The following HSPG2 variants were observed in gnomAD, a reference collection of about 807,000 sequenced individuals.
HSPG2 encodes the protein heparan sulfate proteoglycan 2.
Under a neutral mutation model 526.6 loss-of-function variants are expected in HSPG2, and 278 were observed. That is an observed-to-expected ratio of 0.53 (90% CI 0.48 to 0.58). The LOEUF (loss-of-function observed/expected upper bound fraction) is 0.58. HSPG2 is among the 20% of genes least tolerant of loss of function. The pLI is 0.00. For synonymous variants in HSPG2, 2,465 were observed against 2,555.4 expected, an observed-to-expected ratio of 0.96 and a Z score of 1.07; for missense variants, 5,354 against 6,099.5, an observed-to-expected ratio of 0.88 and a Z score of 4.07.
In HSPG2 at chr1:21,831,645, G is replaced by A; in HGVS notation, c.11352+7C>T. The A allele has an allele frequency of 1.9e-6, 3 of 1,609,524 alleles. No individual in the cohort carries two copies. The highest frequency in any genetic ancestry group is 2.5e-6 in the Non-Finnish European group (3 of 1,178,010). On this transcript the variant is annotated splice_region_variant and intron_variant, in intron 82 of 96. Coordinates refer to ENST00000374695, the MANE Select transcript of HSPG2 (RefSeq NM_005529.7). ...GCTGGAAGTAGCAGTATGGGGTTGG[G>A]TCTCACCTGGGAGGTCCCATTGACC...
At position 21,873,589 on chromosome 1, in the gene HSPG2, T is replaced by C. The variant is rs2445136; in HGVS notation, c.3744-165A>G. Among the ~76,000 whole-genome samples, 149,264 of 152,302 alleles carry C rather than the reference T, an allele frequency of 0.98. 73,221 individuals are homozygous for C. The highest frequency in any genetic ancestry group is 1 in the Middle Eastern group (294 of 294). The stretch of plus-strand genomic sequence containing the variant: ...AACTGGGCAGAGAAGAGCAGGGACG[T>C]GCCCTGGACCGCACAGCCAGTGAAT... On this transcript the variant is annotated intron_variant, in intron 29 of 96. Transcript: ENST00000374695.
chr1:21,865,241 AGGGTG>A lies in HSPG2; in HGVS notation c.4395+39_4395+43del. 1.9e-6 allele frequency: 3 copies of A among 1,580,396 alleles called. No homozygotes were observed. Among genetic ancestry groups the A allele is most frequent in the Non-Finnish European group, 2.6e-6 (3 of 1,150,144 alleles). On this transcript the variant is annotated intron_variant, in intron 35 of 96. Transcript: ENST00000374695. This position sits in a 1 kb window ranked among gnomAD's most constrained non-coding sequence, Gnocchi z 5.4. ...AAAGCCAGGCTCTGAGTCAGGGTGG[AGGGTG>A]GGGTGGGGTTAGACACAGCATGGCC...
chr1:21,931,456 C>T (rs901427418), intron 1 of HSPG2, among the ~76,000 whole-genome samples: 2 of 152,206 alleles, frequency 1.3e-5, no homozygotes, highest in Non-Finnish European at 2.9e-5. Flanking sequence ...CTCTTCTTGG[C>T]AGGAGCAGGA....
rs1640091757 is a variant in HSPG2 at position 21,864,758 on chromosome 1, A to G, written c.4626+85T>C. The G allele has an allele frequency of 1.8e-6, 2 of 1,112,916 alleles. No individual in the cohort carries two copies. Among genetic ancestry groups the G allele is most frequent in the Non-Finnish European group, 1.3e-6 (1 of 753,040 alleles). 68.9% of individuals were successfully genotyped at this position (1,112,916 alleles called of 1,614,324 possible). A position where few individuals can be genotyped will look rare whatever the true frequency, so the allele number is the denominator to read the frequency against. On this transcript the variant is annotated intron_variant, in intron 36 of 96. Transcript: ENST00000374695. This position sits in a 1 kb window ranked among gnomAD's most constrained non-coding sequence, Gnocchi z 4.8. ...CAGGGGTCATTATAGTTATGATGGT[A>G]ATCAAGGCTGCGGCGACGCCGGCTG...
intron 76 of HSPG2, 72 bp from the exon 77 acceptor site, chr1:21,835,017 G>A: frequency 6.4e-7 from 1 of 1,558,120 alleles, no homozygotes; most frequent in Non-Finnish European, 8.8e-7. Flanking sequence ...GCCATAGACT[G>A]CCCAAGGAAA....
chr1:21,880,411 A>T lies in HSPG2; in HGVS notation c.2147T>A (p.Val716Asp). 1 of 1,613,990 alleles carries T rather than the reference A, an allele frequency of 6.2e-7. No individual in the cohort carries two copies. ...GLSDIAMDTT[V>D]THATSHGRAH... is the part of the protein sequence containing the mutation. ...ACGGCCATGGCTGGTGGCATGGGTG[A>T]CGGTGGTATCCATGGCGATGTCGCT... Residue 716 changes from valine to aspartate, a missense_variant, in exon 16 of 97, where the codon GTC (valine) becomes GAC (aspartate). By Grantham distance (152) the Val-to-Asp change is radical. Transcript: ENST00000374695.
At chr1:21,831,153 G>C (rs1432542612) in intron 84 of HSPG2, 62 bp downstream of exon 84, 2 of 1,603,140 alleles carry the variant, frequency 1.2e-6, no homozygotes, top group Non-Finnish European at 1.7e-6. Flanking sequence ...TCCCCACAGG[G>C]GCCAGCCATG....
chr1:21,828,431 G>A lies in HSPG2; in HGVS notation c.12238-5C>T, dbSNP rs1199074965. 1.2e-6 allele frequency: 2 copies of A among 1,612,876 alleles called. No homozygotes were observed. The highest frequency in any genetic ancestry group is 1.3e-5 in the African/African-American group (1 of 74,906). ...CCGTTTGCCATTCACTGACACCTGT[G>A]GGGACAGGGACACCGAGGGACTAAA... On this transcript the variant is annotated splice_region_variant and splice_polypyrimidine_tract_variant and intron_variant, in intron 88 of 96. Coordinates refer to ENST00000374695, the MANE Select transcript of HSPG2 (RefSeq NM_005529.7). The surrounding 1 kb of genome is among the most constrained non-coding windows in gnomAD (Gnocchi z 6.0).
rs1309117541 is a variant in HSPG2, at chr1:21,859,792, C to G, written c.5182+43G>C. The stretch of plus-strand genomic sequence containing the variant: ...GGACAGGCCCCTGCCTCCCCTCCCA[C>G]TGGGATGGCTCTTGGGGCTGAGGAG... On this transcript the variant is annotated intron_variant, in intron 41 of 96. Transcript: ENST00000374695. The surrounding 1 kb of genome is among the most constrained non-coding windows in gnomAD (Gnocchi z 5.3). 6.2e-7 allele frequency: 1 copy of G among 1,606,050 alleles called. No individual in the cohort carries two copies. Among genetic ancestry groups the G allele is most frequent in the Non-Finnish European group, 8.5e-7 (1 of 1,177,338 alleles).
chr1:21,865,638 G>A lies in HSPG2; in HGVS notation c.4314+79C>T. Reference sequence around the variant, plus strand: ...AGAAAACTGAGTGCTGGATGGAAAGGACAAAGGACAAATGCCGAGGGTGCC... The same window carrying A: ...AGAAAACTGAGTGCTGGATGGAAAGAACAAAGGACAAATGCCGAGGGTGCC... On this transcript the variant is annotated intron_variant, in intron 34 of 96. Coordinates refer to ENST00000374695, the MANE Select transcript of HSPG2 (RefSeq NM_005529.7). This position sits in a 1 kb window ranked among gnomAD's most constrained non-coding sequence, Gnocchi z 5.4. 2.5e-6 allele frequency: 3 copies of A among 1,215,728 alleles called. No homozygotes were observed. Among genetic ancestry groups the A allele is most frequent in the Non-Finnish European group, 3.7e-6 (3 of 818,538 alleles). The allele number at this position is 1,215,728 out of a possible 1,614,324, so 75.3% of individuals were successfully genotyped here. A position where few individuals can be genotyped will look rare whatever the true frequency, so the allele number is the denominator to read the frequency against.
chr1:21,876,296 G>A lies in HSPG2; in HGVS notation c.2936C>T (p.Ser979Phe), dbSNP rs1308419886. The A allele has an allele frequency of 5.0e-6, 8 of 1,614,080 alleles. No homozygotes were observed. Among genetic ancestry groups the A allele is most frequent in the East Asian group, 2.2e-5 (1 of 44,866 alleles). ...TCCAGATAAGAGTCTGTGGAAGGAGGAGAATCCCAGTTCCCCGGGCGTGGG... is the reference window on the plus strand; with the variant it reads ...TCCAGATAAGAGTCTGTGGAAGGAGAAGAATCCCAGTTCCCCGGGCGTGGG... ...FSPTPGELGF[S>F]SFHRLLSGPY... The change falls in exon 23 of 97, where the codon TCC becomes TTC. Residue 979 changes from serine (S) to phenylalanine (F), a missense_variant. Coordinates refer to ENST00000374695, the MANE Select transcript of HSPG2 (RefSeq NM_005529.7).
At chr1:21,852,465 GAGTTGGAGAGAGGAAGA>G (rs1638977175) in intron 52 of HSPG2, among the ~76,000 whole-genome samples, 1 of 152,262 alleles carries the variant, frequency 6.6e-6, no homozygotes, top group Non-Finnish European at 1.5e-5. Flanking sequence ...GGGCAGAGAT[GAGTTGGAGAGAGGAAGA>G]GGAGGTGGGA....
rs546808961 is a variant in HSPG2, at chr1:21,885,149, G to T, written c.1219C>A (p.Gln407Lys). 6 of 1,606,436 alleles carry T rather than the reference G, an allele frequency of 3.7e-6. No individual in the cohort carries two copies. The highest frequency in any genetic ancestry group is 1.7e-5 in the Admixed American group (1 of 59,298). The change falls in exon 11 of 97, where the codon CAG becomes AAG. Residue 407 changes from glutamine to lysine, a missense_variant. By Grantham distance (53) the Gln-to-Lys change is moderately conservative (BLOSUM62 1). Transcript: ENST00000374695. ...GACTCCCGGGGAGGTGTCACCACCT[G>T]GGGGGGCACTGAGGAGACCAGGGCA... is the stretch of plus-strand genomic sequence containing the variant. ...RSDEFGCMPP[Q>K]VVTPPRESIQ...
intron 1 of HSPG2, among the ~76,000 whole-genome samples, chr1:21,909,872 C>T (rs1414365842): frequency 2.6e-5 from 4 of 152,246 alleles, no homozygotes; most frequent in Non-Finnish European, 5.9e-5. Context: ...GCACACATAC[C>T]TCTGGTGCAC....
rs191688817 is a variant in HSPG2, at chr1:21,870,893, C to T, written c.4221+1293G>A. The T allele has an allele frequency of 1.2e-5, 12 of 986,266 alleles. No individual in the cohort carries two copies. In the East Asian group the frequency reaches 1.2e-3, roughly 102 times the overall value. 61.1% of individuals were successfully genotyped at this position (986,266 alleles called of 1,614,324 possible). On this transcript the variant is annotated intron_variant, in intron 33 of 96. Transcript: ENST00000374695. ...TCCCCCTGTGGGGCGCAGGGAAATGCCAGGACAGGAGACAGAGATAGGTCT... is the reference window on the plus strand; with the variant it reads ...TCCCCCTGTGGGGCGCAGGGAAATGTCAGGACAGGAGACAGAGATAGGTCT...
In HSPG2 at chr1:21,864,229, A is replaced by G. The variant is rs1195794667; in HGVS notation, c.4627-16T>C. On this transcript the variant is annotated splice_polypyrimidine_tract_variant and intron_variant, in intron 36 of 96. Coordinates refer to ENST00000374695, the MANE Select transcript of HSPG2 (RefSeq NM_005529.7). This position sits in a 1 kb window ranked among gnomAD's most constrained non-coding sequence, Gnocchi z 4.8. The stretch of plus-strand genomic sequence containing the variant: ...GGGCACAGTCCTAGGGGCAGAGAGG[A>G]AGGTTGGCCTCTGTTCCCAACGTGC... The G allele has an allele frequency of 1.3e-6, 2 of 1,546,664 alleles. No individual in the cohort carries two copies.
chr1:21,851,801 G>T lies in HSPG2; in HGVS notation c.6996C>A (p.Asn2332Lys). ...GGTGGCCCCACTCACGGTAGGCTAA[G>T]TTGGCCCCCTGGGTCCCAGTTACTG... Reference protein sequence around the residue: ...TVTVTGTQGANLAYPAGSTQP... With the variant: ...TVTVTGTQGAKLAYPAGSTQP... The change falls in exon 54 of 97, where the codon AAC (asparagine) becomes AAA (lysine). Residue 2332 changes from asparagine to lysine, a missense_variant. Physicochemically the swap from Asn to Lys is moderately conservative, Grantham distance 94 (BLOSUM62 0). Transcript: ENST00000374695. 1 of 1,613,904 alleles carries T rather than the reference G, an allele frequency of 6.2e-7. No individual in the cohort carries two copies.
intron 1 of HSPG2, among the ~76,000 whole-genome samples, chr1:21,900,985 G>A (rs1427557790): frequency 6.6e-6 from 1 of 152,136 alleles, no homozygotes; most frequent in Non-Finnish European, 1.5e-5. Flanking sequence ...GAAGAGTCCT[G>A]TGTTTCACTG....
chr1:21,876,592 G>C lies in HSPG2; in HGVS notation c.2746C>G (p.Arg916Gly), dbSNP rs1460080697. Residue 916 changes from arginine (R) to glycine (G), a missense_variant, in exon 22 of 97, where the codon CGA becomes GGA. Physicochemically the swap from Arg to Gly is moderately radical, Grantham distance 125. Transcript: ENST00000374695. ...CADGSFHLST[R>G]NPDGCLKCFC... is the part of the protein sequence containing the mutation. ...CACTTGAGGCAGCCATCGGGGTTTCGGGTACTCAGGTGGAAAGAGCCGTCA... is the reference window on the plus strand; with the variant it reads ...CACTTGAGGCAGCCATCGGGGTTTCCGGTACTCAGGTGGAAAGAGCCGTCA... 2 of 1,614,080 alleles carry C rather than the reference G, an allele frequency of 1.2e-6. No individual in the cohort carries two copies. The highest frequency in any genetic ancestry group is 3.3e-5 in the Admixed American group (2 of 60,010).
Sources: gnomAD v4.1 joint callset for allele counts (sites outside exome capture counted in the v4.1 genomes callset) on GRCh38, gnomAD v4.1.1 for gene constraint, Gnocchi (gnomAD v3.1) non-coding constraint, MANE v1.5 for transcripts, NCBI Gene and HGNC (gene_info 2026-07-23, HGNC 2026-07-21) for gene names.